The following PRKG1 variants were observed in gnomAD, a reference collection of about 807,000 sequenced individuals.
PRKG1 encodes cGMP-dependent protein kinase 1.
A neutral mutation model predicts 88.1 loss-of-function variants in PRKG1; 35 were observed. The observed-to-expected ratio is 0.40, with a 90% confidence interval of 0.30 to 0.53. The LOEUF (loss-of-function observed/expected upper bound fraction) is 0.53. Ranked by LOEUF, PRKG1 falls within the 20% of genes least tolerant of loss-of-function variation. The probability of loss-of-function intolerance (pLI) is 0.59; values close to 1 mark genes in which losing one functional copy is unlikely to be tolerated. For missense variants in PRKG1, 540 were observed against 839.8 expected (o/e 0.64, Z 4.41); for synonymous variants, 303 against 292.5 (o/e 1.04, Z -0.37).
intron 2 of PRKG1, among the ~76,000 whole-genome samples, chr10:51,219,624 C>G (rs1838472525): frequency 6.6e-6 from 1 of 151,766 alleles, no homozygotes; most frequent in South Asian, 2.1e-4. Context: ...ACACGAGAAT[C>G]ACTTGAACCC....
In PRKG1 at chr10:51,492,452, A is replaced by T. The variant is rs192031454; in HGVS notation, c.592+24616A>T. ...TAATTTGCAATTGATCTAGAAAATC[A>T]CCAGTGAAAGATAAGATGATTAAGT... On this transcript the variant is annotated intron_variant, in intron 3 of 17. Coordinates refer to ENST00000373980, the MANE Select transcript of PRKG1 (RefSeq NM_006258.4). Among the ~76,000 whole-genome samples the T allele has an allele frequency of 1.1e-3, 171 of 152,272 alleles. 1 individual carries two copies. The highest frequency in any genetic ancestry group is 3.7e-3 in the African/African-American group (155 of 41,568).
At chr10:52,014,615 C>G (rs564255384) in intron 5 of PRKG1, among the ~76,000 whole-genome samples, 1 of 152,300 alleles carries the variant, frequency 6.6e-6, no homozygotes, top group South Asian at 2.1e-4. Context: ...AGTCTTAACT[C>G]TTTCCAGCGT....
chr10:51,139,234 T>C (rs2131951749), intron 1 of PRKG1, among the ~76,000 whole-genome samples: 1 of 152,326 alleles, frequency 6.6e-6, no homozygotes, highest in East Asian at 1.9e-4. Flanking sequence ...CATTTTTAAA[T>C]GATTTTTAAA....
At position 51,415,057 on chromosome 10, in the gene PRKG1, T is replaced by G. The variant is rs112413083; in HGVS notation, c.479-52666T>G. Among the ~76,000 whole-genome samples, 175 of 152,332 alleles carry G rather than the reference T, an allele frequency of 1.1e-3. 2 individuals carry two copies. Among genetic ancestry groups the G allele is most frequent in the African/African-American group, 3.6e-3 (148 of 41,590 alleles). On this transcript the variant is annotated intron_variant, in intron 2 of 17. Transcript: ENST00000373980. ...TCTTATAAAATAACATTATGACTAC[T>G]TTCATTTTACAGATGTGGCACAATG...
At chr10:51,712,691 G>C (rs1436478664) in intron 3 of PRKG1, among the ~76,000 whole-genome samples, 4 of 140,892 alleles carry the variant, frequency 2.8e-5, no homozygotes, top group Non-Finnish European at 6.0e-5. Context: ...CCAGGTTCAC[G>C]CTATTCTCCT....
chr10:51,776,256 TA>T lies in PRKG1; in HGVS notation c.593-28328del, dbSNP rs1250521630. Reference sequence around the variant, plus strand: ...GTCTATTATATTTGTTGGTGAGAACTATAGTGTATTTGTCTTCTAATTCCAC... The same window carrying T: ...GTCTATTATATTTGTTGGTGAGAACTTAGTGTATTTGTCTTCTAATTCCAC... On this transcript the variant is annotated intron_variant, in intron 3 of 17. Coordinates refer to ENST00000373980, the MANE Select transcript of PRKG1 (RefSeq NM_006258.4). 1.2e-4 allele frequency among the ~76,000 whole-genome samples: 18 copies of T among 152,168 alleles called. 1 individual carries two copies. Among genetic ancestry groups the T allele is most frequent in the Non-Finnish European group, 1.8e-4 (12 of 68,020 alleles).
intron 5 of PRKG1, among the ~76,000 whole-genome samples, chr10:52,013,502 A>G (rs973943280): frequency 4.6e-5 from 7 of 151,988 alleles, no homozygotes; most frequent in Admixed American, 3.9e-4. Context: ...AGGAGGTAGT[A>G]TTTTTGCTGT....
At chr10:51,884,237 G>C (rs1841507047) in intron 4 of PRKG1, among the ~76,000 whole-genome samples, 1 of 150,504 alleles carries the variant, frequency 6.6e-6, no homozygotes, top group Non-Finnish European at 1.5e-5. Flanking sequence ...ACGAGGTCAG[G>C]AGATCGAGAC....
chr10:51,299,273 T>G (rs1589330515), intron 2 of PRKG1, among the ~76,000 whole-genome samples: 1 of 152,142 alleles, frequency 6.6e-6, no homozygotes, highest in East Asian at 1.9e-4. Context: ...TGGTACGATC[T>G]CGGCTCACTG....
intron 2 of PRKG1, among the ~76,000 whole-genome samples, chr10:51,261,687 A>G (rs1010418891): frequency 1.3e-5 from 2 of 152,020 alleles, no homozygotes; most frequent in Non-Finnish European, 2.9e-5. Context: ...ATTAGCCCCA[A>G]TATTTTATTT....
intron 4 of PRKG1, among the ~76,000 whole-genome samples, chr10:51,849,817 C>G (rs1048028507): frequency 1.1e-4 from 16 of 152,124 alleles, no homozygotes; most frequent in Non-Finnish European, 2.4e-4. Flanking sequence ...TTATCACATT[C>G]AAACAGGGGC....
intron 5 of PRKG1, among the ~76,000 whole-genome samples, chr10:51,942,547 T>C (rs926095615): frequency 6.7e-6 from 1 of 149,256 alleles, no homozygotes; most frequent in African/African-American, 2.5e-5. Context: ...TCCTGAATAG[T>C]AATGCCTAGG....
At chr10:51,957,998 GTA>G (rs1461525136) in intron 5 of PRKG1, among the ~76,000 whole-genome samples, 1 of 152,122 alleles carries the variant, frequency 6.6e-6, no homozygotes, top group Non-Finnish European at 1.5e-5. Context: ...AATTCTCAAA[GTA>G]GAGTATCATT....
intron 9 of PRKG1, among the ~76,000 whole-genome samples, chr10:52,196,227 A>C (rs1468750207): frequency 6.6e-6 from 1 of 152,128 alleles, no homozygotes; most frequent in Non-Finnish European, 1.5e-5. Context: ...CATGTTAGCC[A>C]GGATGGTCTC....
At chr10:52,059,916 G>T (rs1313540361) in intron 6 of PRKG1, among the ~76,000 whole-genome samples, 1 of 151,722 alleles carries the variant, frequency 6.6e-6, no homozygotes, top group Non-Finnish European at 1.5e-5. Context: ...GAAAATGTTC[G>T]AGTCTTTTAA....
intron 2 of PRKG1, among the ~76,000 whole-genome samples, chr10:51,420,683 AG>A (rs1272320020): frequency 6.6e-5 from 10 of 152,194 alleles, no homozygotes; most frequent in Non-Finnish European, 7.3e-5. Context: ...CTGTACCTTC[AG>A]GTTGTATTAG....
At chr10:51,106,636 A>G (rs888427786) in intron 1 of PRKG1, among the ~76,000 whole-genome samples, 11 of 152,180 alleles carry the variant, frequency 7.2e-5, no homozygotes, top group Non-Finnish European at 1.3e-4. Context: ...GGAGCCAGCC[A>G]AAAAGTGAGC....
intron 5 of PRKG1, among the ~76,000 whole-genome samples, chr10:51,919,301 G>T (rs935601841): frequency 6.6e-6 from 1 of 152,110 alleles, no homozygotes; most frequent in Non-Finnish European, 1.5e-5. Context: ...GGAACAAACC[G>T]TGACCAACCA....
chr10:51,972,439 A>T (rs1843733419), intron 5 of PRKG1, among the ~76,000 whole-genome samples: 1 of 152,176 alleles, frequency 6.6e-6, no homozygotes. Context: ...TGCTATGCTG[A>T]ATCATGTCAA....
Sources: gnomAD v4.1 joint callset for allele counts (sites outside exome capture counted in the v4.1 genomes callset) on GRCh38, gnomAD v4.1.1 for gene constraint, MANE v1.5 for transcripts, NCBI Gene and HGNC (gene_info 2026-07-23, HGNC 2026-07-21) for gene names.